Variants in CHN2 observed in about 807,000 individuals in gnomAD.
CHN2 encodes beta-chimaerin.
Under a neutral mutation model 56.3 loss-of-function variants are expected in CHN2, and 35 were observed. The ratio of observed to expected loss-of-function variants is 0.62; its 90% confidence interval spans 0.47 to 0.82. The LOEUF (loss-of-function observed/expected upper bound fraction) is 0.82. Ranked by LOEUF, CHN2 falls within the 40% of genes least tolerant of loss-of-function variation. The probability of loss-of-function intolerance (pLI) is 0.00; values close to 1 mark genes in which losing one functional copy is unlikely to be tolerated. For missense variants in CHN2, 491 were observed against 580.5 expected, an observed-to-expected ratio of 0.85 and a Z score of 1.58; for synonymous variants, 210 against 212.8, an observed-to-expected ratio of 0.99 and a Z score of 0.12.
At chr7:29,340,450 C>A (rs928024391) in intron 1 of CHN2, among the ~76,000 whole-genome samples, 5 of 152,196 alleles carry the variant, frequency 3.3e-5, no homozygotes, top group Middle Eastern at 6.8e-3. Flanking sequence ...TCAAACATTG[C>A]AGAGCAGGTC....
intron 2 of CHN2, among the ~76,000 whole-genome samples, chr7:29,149,189 C>CTT (rs60520174): frequency 0.55 from 55,140 of 100,312 alleles, 15,649 homozygotes; most frequent in South Asian, 0.61. Context: ...GTCTGTTTCC[C>CTT]TTTTTTTTTT....
At chr7:29,373,869 T>A (rs1799814305) in intron 3 of CHN2, among the ~76,000 whole-genome samples, 1 of 152,186 alleles carries the variant, frequency 6.6e-6, no homozygotes, top group Non-Finnish European at 1.5e-5. Flanking sequence ...TCTAAGGGAT[T>A]TTCTACCATT....
chr7:29,309,084 T>C (rs1794387402), intron 1 of CHN2, among the ~76,000 whole-genome samples: 1 of 152,230 alleles, frequency 6.6e-6, no homozygotes, highest in South Asian at 2.1e-4. Context: ...GCATAGACCT[T>C]GTCTAGAGGG....
At chr7:29,332,596 C>T (rs1209557864) in intron 1 of CHN2, among the ~76,000 whole-genome samples, 2 of 152,116 alleles carry the variant, frequency 1.3e-5, no homozygotes, top group Admixed American at 6.5e-5. Context: ...GTAAACAGCC[C>T]ATCCTCCACA....
intron 1 of CHN2, among the ~76,000 whole-genome samples, chr7:29,303,048 AG>A (rs996894826): frequency 2.0e-5 from 3 of 152,176 alleles, no homozygotes; most frequent in Non-Finnish European, 4.4e-5. Context: ...TCTAGGTTCC[AG>A]GGGTCTGACT....
chr7:29,407,545 C>G (rs1344959477), intron 6 of CHN2, among the ~76,000 whole-genome samples: 1 of 152,080 alleles, frequency 6.6e-6, no homozygotes, highest in African/African-American at 2.4e-5. Flanking sequence ...GCAGGAGGTT[C>G]TTTGGAAATA....
chr7:29,179,742 A>G (rs1261646090), intron 2 of CHN2, among the ~76,000 whole-genome samples: 1 of 152,232 alleles, frequency 6.6e-6, no homozygotes, highest in Non-Finnish European at 1.5e-5. Context: ...ATTTTATATC[A>G]ATGCAAAACA....
intron 6 of CHN2, among the ~76,000 whole-genome samples, chr7:29,430,184 G>A (rs1782736548): frequency 6.6e-6 from 1 of 152,168 alleles, no homozygotes; most frequent in Admixed American, 6.5e-5. Context: ...TGAACAGAAA[G>A]GCCAAGATAT....
intron 3 of CHN2, among the ~76,000 whole-genome samples, chr7:29,381,719 C>G (rs73078574): frequency 0.17 from 24,864 of 149,490 alleles, 2,381 homozygotes; most frequent in Admixed American, 0.21. Context: ...TTACAGACAC[C>G]CTGGCTCCAG....
intron 1 of CHN2, among the ~76,000 whole-genome samples, chr7:29,291,531 T>G (rs773210460): frequency 5.8e-4 from 89 of 152,216 alleles, no homozygotes; most frequent in Admixed American, 4.4e-3. Context: ...CCATTAAATT[T>G]CAAAATCTAC....
chr7:29,230,195 T>C lies in CHN2; in HGVS notation c.49+35205T>C, dbSNP rs530193900. Among the ~76,000 whole-genome samples the C allele has an allele frequency of 2.6e-5, 4 of 152,292 alleles. No individual in the cohort carries two copies. In the South Asian group the frequency reaches 8.3e-4, roughly 32 times the overall value. ...AAGGCTATCTAAGATCATTTGGCTG[T>C]TTTCTGGAATGCTTGTATTTTGTTG... On this transcript the variant is annotated intron_variant, in intron 1 of 12. Transcript: ENST00000222792.
intron 6 of CHN2, among the ~76,000 whole-genome samples, chr7:29,458,759 T>C (rs897621955): frequency 5.3e-5 from 8 of 152,276 alleles, no homozygotes; most frequent in African/African-American, 1.9e-4. Context: ...CTATCAAGCG[T>C]CTTAGTTTCC....
intron 1 of CHN2, chr7:29,199,638 TC>T (rs1216008932): frequency 6.6e-6 from 1 of 152,226 alleles, no homozygotes; most frequent in African/African-American, 2.4e-5. Flanking sequence ...TTGTTGTTTT[TC>T]TCCTGAGCAT....
At chr7:29,340,692 T>C (rs756059470) in intron 1 of CHN2, among the ~76,000 whole-genome samples, 5 of 152,172 alleles carry the variant, frequency 3.3e-5, no homozygotes, top group African/African-American at 7.2e-5. Flanking sequence ...TAGGACAAGA[T>C]AGAGGACAGG....
rs149272963 is a variant in CHN2 at position 29,206,429 on chromosome 7, G to A, written c.49+11439G>A. On this transcript the variant is annotated intron_variant, in intron 1 of 12. Transcript: ENST00000222792. ...CCTGAGTAGCTGGGATTACAGGTGCGTGCCACCACACCCAGCTAATTTTTG... is the reference window on the plus strand; with the variant it reads ...CCTGAGTAGCTGGGATTACAGGTGCATGCCACCACACCCAGCTAATTTTTG... Among the ~76,000 whole-genome samples, 323 of 152,084 alleles carry A rather than the reference G, an allele frequency of 2.1e-3. 3 individuals carry two copies. The highest frequency in any genetic ancestry group is 7.5e-3 in the African/African-American group (313 of 41,458).
chr7:29,479,786 AGGCTGCCGGCC>A, intron 6 of CHN2: 1 of 1,209,878 alleles, frequency 8.3e-7, no homozygotes, highest in Non-Finnish European at 1.0e-6. Flanking sequence ...AGGAGAAAGC[AGGCTGCCGGCC>A]CCTGCCTCCC....
chr7:29,305,674 G>C (rs1794083352), intron 1 of CHN2, among the ~76,000 whole-genome samples: 1 of 152,146 alleles, frequency 6.6e-6, no homozygotes, highest in African/African-American at 2.4e-5. Context: ...TGTGTAGAAA[G>C]CCACACTGGC....
At chr7:29,504,659 T>C (rs183254883) in intron 9 of CHN2, 85 bp from the exon 10 acceptor site, 7 of 836,126 alleles carry the variant, frequency 8.4e-6, no homozygotes, top group Middle Eastern at 4.5e-4. Flanking sequence ...TCTGATAGCA[T>C]GTAGTATAGA....
chr7:29,383,089 A>G (rs939809533), intron 3 of CHN2, among the ~76,000 whole-genome samples: 2 of 152,290 alleles, frequency 1.3e-5, no homozygotes, highest in Middle Eastern at 3.4e-3. Flanking sequence ...AAGGGCCAGG[A>G]CTGTTTTAGA....
Sources: allele counts gnomAD v4.1 joint callset (sites outside exome capture counted in the v4.1 genomes callset), GRCh38; gene constraint gnomAD v4.1.1; transcripts MANE v1.5; gene names NCBI Gene and HGNC (gene_info 2026-07-23, HGNC 2026-07-21).